The following GPC3 variants were observed in gnomAD, a reference collection of about 807,000 sequenced individuals.
GPC3 encodes glypican-3.
In GPC3, 3 loss-of-function variants were observed where a neutral mutation model predicts 34.4. The ratio of observed to expected loss-of-function variants is 0.09; its 90% CI spans 0.04 to 0.23. The LOEUF (loss-of-function observed/expected upper bound fraction) is 0.23. Among genes scored for constraint, GPC3 ranks in the 10% least tolerant of loss-of-function variants. The pLI is 1.00. For synonymous variants in GPC3, 177 were observed against 174.0 expected (o/e 1.02, Z -0.13); for missense variants, 351 against 445.6 (o/e 0.79, Z 1.91).
intron 2 of GPC3, among the ~76,000 whole-genome samples, chrX:133,853,618 G>A (rs1030614599): frequency 6.2e-5 from 7 of 112,361 alleles, no homozygotes; most frequent in African/African-American, 1.6e-4. Context: ...TGAATCAAGC[G>A]TTATGCTAGA....
intron 7 of GPC3, among the ~76,000 whole-genome samples, chrX:133,585,306 AT>A (rs1244819300): frequency 1.8e-5 from 2 of 111,380 alleles, no homozygotes; most frequent in African/African-American, 6.5e-5. Flanking sequence ...AAAGTCAACA[AT>A]TGGAGGGCAT....
At chrX:133,778,200 C>G (rs2072007976) in intron 2 of GPC3, among the ~76,000 whole-genome samples, 1 of 111,686 alleles carries the variant, frequency 9.0e-6, no homozygotes, top group Non-Finnish European at 1.9e-5. Context: ...AACATTTCAG[C>G]AATGCATTGG....
At chrX:133,641,417 A>G (rs746757649) in intron 6 of GPC3, among the ~76,000 whole-genome samples, 1 of 108,943 alleles carries the variant, frequency 9.2e-6, no homozygotes, top group African/African-American at 3.3e-5. Flanking sequence ...CAGAGTTTGC[A>G]GTGAGCCGAG....
intron 2 of GPC3, among the ~76,000 whole-genome samples, chrX:133,811,428 G>GT (rs959346637): frequency 2.7e-5 from 3 of 111,240 alleles, no homozygotes; most frequent in Non-Finnish European, 3.8e-5. Flanking sequence ...GCTGTTTTTT[G>GT]TTTTTTTGTT....
rs1415109956 is a variant in GPC3, at chrX:133,724,684, G to A, written c.1033-24656C>T. On this transcript the variant is annotated intron_variant, in intron 3 of 7. Transcript: ENST00000370818. Reference sequence around the variant, plus strand: ...CCCCAATTATAGAATGAAAGGGATTGAATTAAATATCACTCTCAACTCTGG... The same window carrying A: ...CCCCAATTATAGAATGAAAGGGATTAAATTAAATATCACTCTCAACTCTGG... Among the ~76,000 whole-genome samples, 3 of 111,648 alleles carry A rather than the reference G, an allele frequency of 2.7e-5. No homozygotes were observed. The East Asian group carries it at 8.5e-4, about 32-fold the overall frequency.
chrX:133,747,176 G>A (rs1603239047), intron 3 of GPC3, among the ~76,000 whole-genome samples: 1 of 111,714 alleles, frequency 9.0e-6, no homozygotes, highest in East Asian at 2.8e-4. Context: ...TTCTTCTACT[G>A]TCCGGAATCA....
At chrX:133,700,713 C>A (rs1250331321) in intron 3 of GPC3, among the ~76,000 whole-genome samples, 2 of 109,930 alleles carry the variant, frequency 1.8e-5, no homozygotes, top group African/African-American at 3.3e-5. Flanking sequence ...CCAGTCTCTG[C>A]AAAAAATAAA....
At chrX:133,807,029 C>T (rs1348663537) in intron 2 of GPC3, among the ~76,000 whole-genome samples, 1 of 111,746 alleles carries the variant, frequency 8.9e-6, no homozygotes, top group African/African-American at 3.3e-5. Context: ...CATCCTACTG[C>T]ATGTTCTCAG....
chrX:133,702,628 G>A (rs1262449900), intron 3 of GPC3, among the ~76,000 whole-genome samples: 1 of 111,547 alleles, frequency 9.0e-6, no homozygotes, highest in African/African-American at 3.3e-5. Context: ...GGAAAGGGGT[G>A]CAGCTGAGGC....
intron 6 of GPC3, among the ~76,000 whole-genome samples, chrX:133,636,020 G>A: frequency 9.0e-6 from 1 of 110,657 alleles, no homozygotes; most frequent in Non-Finnish European, 1.9e-5. Context: ...TGGAATACCT[G>A]GGCTTGCATA....
At chrX:133,600,534 C>T (rs1228503330) in intron 6 of GPC3, among the ~76,000 whole-genome samples, 1 of 112,067 alleles carries the variant, frequency 8.9e-6, no homozygotes, top group Non-Finnish European at 1.9e-5. Flanking sequence ...TTATAGTAGA[C>T]TTTTAAGCCA....
intron 2 of GPC3, among the ~76,000 whole-genome samples, chrX:133,847,806 C>A (rs374560397): frequency 1.3e-3 from 149 of 112,093 alleles, no homozygotes; most frequent in African/African-American, 4.6e-3. Flanking sequence ...TCTCTGGTTC[C>A]TGTTTCTATT....
At chrX:133,963,271 T>C (rs886901992) in intron 1 of GPC3, among the ~76,000 whole-genome samples, 1 of 111,625 alleles carries the variant, frequency 9.0e-6, no homozygotes, top group African/African-American at 3.3e-5. Flanking sequence ...TCCTGATGGA[T>C]GGCATGCAGT....
At chrX:133,593,354 T>TAAAAAAAA (rs1186766438) in intron 7 of GPC3, among the ~76,000 whole-genome samples, 3 of 47,715 alleles carry the variant, frequency 6.3e-5, no homozygotes, top group Admixed American at 2.6e-4. Context: ...AAAAAAAAAG[T>TAAAAAAAA]AAAAAAAAAA....
At chrX:133,688,467 A>G (rs2071030279) in intron 5 of GPC3, among the ~76,000 whole-genome samples, 1 of 111,991 alleles carries the variant, frequency 8.9e-6, no homozygotes, top group Admixed American at 9.5e-5. Flanking sequence ...GAAAGGATGG[A>G]AAATATGACC....
At chrX:133,926,701 G>GT (rs776949855) in intron 2 of GPC3, among the ~76,000 whole-genome samples, 2 of 112,253 alleles carry the variant, frequency 1.8e-5, no homozygotes, top group East Asian at 5.6e-4. Context: ...CTGACACACA[G>GT]TAAGTGCTCA....
chrX:133,729,549 G>A (rs1213352047), intron 3 of GPC3, among the ~76,000 whole-genome samples: 1 of 111,707 alleles, frequency 9.0e-6, no homozygotes, highest in Non-Finnish European at 1.9e-5. Flanking sequence ...CTCTCTTGAG[G>A]GCAGGTGCTG....
At chrX:133,578,887 G>T (rs2069709983) in intron 7 of GPC3, among the ~76,000 whole-genome samples, 2 of 109,879 alleles carry the variant, frequency 1.8e-5, no homozygotes, top group African/African-American at 6.7e-5. Flanking sequence ...AGAGGGATGG[G>T]GGTTGGGGAG....
At chrX:133,983,989 T>A (rs1304641554) in intron 1 of GPC3, among the ~76,000 whole-genome samples, 1 of 113,223 alleles carries the variant, frequency 8.8e-6, no homozygotes, top group Non-Finnish European at 1.9e-5. Context: ...TTCATCAACC[T>A]AAAGAAAAGG....
Sources: gnomAD v4.1 joint callset for allele counts (sites outside exome capture counted in the v4.1 genomes callset) on GRCh38, gnomAD v4.1.1 for gene constraint, MANE v1.5 for transcripts, NCBI Gene and HGNC (gene_info 2026-07-23, HGNC 2026-07-21) for gene names.